Variants in USP34 observed in about 807,000 individuals in gnomAD.
USP34 encodes the protein ubiquitin specific peptidase 34.
Under a neutral mutation model 460.3 loss-of-function variants are expected in USP34, and 70 were observed. The ratio of observed to expected loss-of-function variants is 0.15; its 90% CI spans 0.13 to 0.19. The LOEUF is 0.19. Ranked by LOEUF, USP34 falls within the 10% of genes least tolerant of loss-of-function variation. USP34 has a pLI of 1.00. For synonymous variants in USP34, 1,647 were observed against 1,405.3 expected (o/e 1.17, Z -3.85); for missense variants, 3,985 against 4,236.2 (o/e 0.94, Z 1.65).
intron 5 of USP34, among the ~76,000 whole-genome samples, chr2:61,394,195 G>C (rs542932694): frequency 1.3e-5 from 2 of 152,146 alleles, no homozygotes; most frequent in Non-Finnish European, 2.9e-5. Flanking sequence ...ACAGGATACA[G>C]AAGAATTACC....
In USP34 at chr2:61,395,580, C is replaced by T. The variant is rs530647583; in HGVS notation, c.553-347G>A. Among the ~76,000 whole-genome samples, 395 of 145,058 alleles carry T rather than the reference C, an allele frequency of 2.7e-3. 1 individual carries two copies. Among genetic ancestry groups the T allele is most frequent in the South Asian group, 4.4e-3 (21 of 4,720 alleles). ...TTGGGAGGCCGAGGCGGGCGGATCA[C>T]GAGGTCAGGAGATCGAGACCACGGT... On this transcript the variant is annotated intron_variant, in intron 3 of 79. Coordinates refer to ENST00000398571, the MANE Select transcript of USP34 (RefSeq NM_014709.4).
chr2:61,233,395 T>C (rs1032031983), intron 57 of USP34, among the ~76,000 whole-genome samples: 2 of 152,104 alleles, frequency 1.3e-5, no homozygotes, highest in South Asian at 2.1e-4. Context: ...GTAACTTTTA[T>C]AGATTAAGGA....
intron 20 of USP34, 39 bp downstream of exon 20, chr2:61,331,237 T>C: frequency 1.3e-6 from 2 of 1,519,892 alleles, no homozygotes; most frequent in South Asian, 1.2e-5. Flanking sequence ...AGGAAAGACA[T>C]CGACACAAAT....
intron 48 of USP34, among the ~76,000 whole-genome samples, chr2:61,253,895 C>T (rs548248199): frequency 1.1e-4 from 17 of 152,036 alleles, no homozygotes; most frequent in Non-Finnish European, 5.9e-5. Flanking sequence ...CCACCACAAC[C>T]GGCTAATTTT....
chr2:61,232,699 G>T (rs1687942460), intron 57 of USP34, among the ~76,000 whole-genome samples, 167 bp from the exon 58 acceptor site: 1 of 151,864 alleles, frequency 6.6e-6, no homozygotes, highest in Non-Finnish European at 1.5e-5. Context: ...ATCATAATAA[G>T]GGTTACCTCA....
intron 16 of USP34, among the ~76,000 whole-genome samples, chr2:61,340,716 T>C (rs1164593781): frequency 6.6e-6 from 1 of 152,206 alleles, no homozygotes; most frequent in Non-Finnish European, 1.5e-5. Context: ...GCCATGTGTA[T>C]ACCTCTTTGG....
chr2:61,361,851 G>A (rs1228453230), intron 10 of USP34, among the ~76,000 whole-genome samples: 1 of 151,832 alleles, frequency 6.6e-6, no homozygotes, highest in African/African-American at 2.4e-5. Context: ...GCACAGCAAA[G>A]GAAACAACAG....
intron 27 of USP34, 114 bp from the exon 28 acceptor site, chr2:61,301,568 CTAAGG>C (rs1690225849): frequency 1.1e-6 from 1 of 930,546 alleles, no homozygotes; most frequent in Non-Finnish European, 1.6e-6. Flanking sequence ...TAAATGTAAT[CTAAGG>C]TAAAGACAGA....
At chr2:61,412,875 C>T (rs1490938287) in intron 2 of USP34, among the ~76,000 whole-genome samples, 2 of 108,156 alleles carry the variant, frequency 1.8e-5, no homozygotes, top group Admixed American at 1.2e-4. Context: ...AGCAACACAG[C>T]AATCCCATCT....
intron 10 of USP34, among the ~76,000 whole-genome samples, chr2:61,351,704 C>T (rs1226536190): frequency 6.6e-6 from 1 of 152,014 alleles, no homozygotes; most frequent in African/African-American, 2.4e-5. Flanking sequence ...ATATGCACAA[C>T]CTAATACTGA....
In USP34 at chr2:61,341,476, T is replaced by A. The variant is rs1469954951; in HGVS notation, c.2501-1795A>T. Among the ~76,000 whole-genome samples, 9 of 152,154 alleles carry A rather than the reference T, an allele frequency of 5.9e-5. No individual in the cohort carries two copies. The East Asian group carries it at 1.7e-3, about 29-fold the overall frequency. On this transcript the variant is annotated intron_variant, in intron 16 of 79. Coordinates refer to ENST00000398571, the MANE Select transcript of USP34 (RefSeq NM_014709.4). ...AAGGCGTTTGGGTCAAGAGAGCAGATCCCTCATGAATGTCTTCATGCTGTC... is the reference window on the plus strand; with the variant it reads ...AAGGCGTTTGGGTCAAGAGAGCAGAACCCTCATGAATGTCTTCATGCTGTC...
chr2:61,457,109 C>CTACAAAAAT (rs1695463015), intron 1 of USP34, among the ~76,000 whole-genome samples: 1 of 151,980 alleles, frequency 6.6e-6, no homozygotes, highest in South Asian at 2.1e-4. Flanking sequence ...AACCCTGCCT[C>CTACAAAAAT]TACAAAAATT....
intron 44 of USP34, among the ~76,000 whole-genome samples, chr2:61,258,499 C>A (rs1688780751): frequency 6.6e-6 from 1 of 152,094 alleles, no homozygotes; most frequent in Non-Finnish European, 1.5e-5. Flanking sequence ...TGAAACCAAG[C>A]TGACTCTTGA....
At chr2:61,289,503 A>C (rs903634607) in intron 33 of USP34, among the ~76,000 whole-genome samples, 3 of 152,124 alleles carry the variant, frequency 2.0e-5, no homozygotes, top group African/African-American at 7.2e-5. Flanking sequence ...CTTTAATTAG[A>C]ATATCACTTA....
intron 67 of USP34, among the ~76,000 whole-genome samples, chr2:61,219,935 T>C (rs1687510682): frequency 6.6e-6 from 1 of 151,998 alleles, no homozygotes; most frequent in African/African-American, 2.4e-5. Context: ...TTAAAGTGTT[T>C]ATATAACTCA....
At chr2:61,405,653 A>G in intron 3 of USP34, 55 bp downstream of exon 3, 1 of 1,426,288 alleles carries the variant, frequency 7.0e-7, no homozygotes, top group South Asian at 1.5e-5. Context: ...TAAGAAACAG[A>G]CTGCGAAGTT....
chr2:61,395,469 T>C (rs1247110819), intron 3 of USP34, among the ~76,000 whole-genome samples: 2 of 152,202 alleles, frequency 1.3e-5, no homozygotes, highest in Non-Finnish European at 2.9e-5. Flanking sequence ...TTTTGCCTTA[T>C]TAAACATTAA....
chr2:61,426,034 G>T (rs1302718217), intron 1 of USP34, among the ~76,000 whole-genome samples: 8 of 152,092 alleles, frequency 5.3e-5, no homozygotes, highest in Non-Finnish European at 1.5e-5. Flanking sequence ...CCAGAAGACA[G>T]GAGCTGACAG....
intron 19 of USP34, among the ~76,000 whole-genome samples, chr2:61,332,158 T>G (rs1691289358): frequency 6.6e-6 from 1 of 152,076 alleles, no homozygotes; most frequent in African/African-American, 2.4e-5. Flanking sequence ...TAAGCTGTCT[T>G]GTGGAAGTCT....
Sources: gnomAD v4.1 joint callset for allele counts (sites outside exome capture counted in the v4.1 genomes callset) on GRCh38, gnomAD v4.1.1 for gene constraint, MANE v1.5 for transcripts, NCBI Gene and HGNC (gene_info 2026-07-23, HGNC 2026-07-21) for gene names.